ZCWPW2: variants seen among roughly 807,000 people sequenced by gnomAD.
The protein encoded by ZCWPW2 is zinc finger CW-type and PWWP domain containing 2.
Under a neutral mutation model 46.6 loss-of-function variants are expected in ZCWPW2, and 45 were observed. That is an observed-to-expected ratio of 0.96 (90% CI 0.76 to 1.24). The LOEUF is 1.24. Among genes scored for constraint, ZCWPW2 ranks in the 50% most tolerant of loss-of-function variants. ZCWPW2 has a pLI of 0.00. For missense variants in ZCWPW2, 429 were observed against 403.9 expected (o/e 1.06, Z -0.53); for synonymous variants, 152 against 137.1 (o/e 1.11, Z -0.76).
intron 1 of ZCWPW2, among the ~76,000 whole-genome samples, chr3:28,350,196 A>T (rs1220199324): frequency 6.6e-6 from 1 of 152,216 alleles, no homozygotes. Flanking sequence ...CATTAGGTGT[A>T]TGTTTTTACA....
chr3:28,466,806 A>C (rs1291866098), intron 4 of ZCWPW2, among the ~76,000 whole-genome samples: 1 of 152,128 alleles, frequency 6.6e-6, no homozygotes, highest in Non-Finnish European at 1.5e-5. Flanking sequence ...TCAAAATAAA[A>C]ATAAAAATAA....
chr3:28,485,043 A>C (rs997769451), intron 5 of ZCWPW2, among the ~76,000 whole-genome samples: 7 of 151,808 alleles, frequency 4.6e-5, no homozygotes, highest in African/African-American at 1.7e-4. Flanking sequence ...CAATGCTATA[A>C]ATTTTCCTCT....
In ZCWPW2 at chr3:28,515,406, CT is replaced by C. The variant is rs1700534703; in HGVS notation, c.717-145del. On this transcript the variant is annotated intron_variant, in intron 7 of 9. Coordinates refer to ENST00000383768, the MANE Select transcript of ZCWPW2 (RefSeq NM_001040432.4). ...CTTTTTTGTTTTTCACTGCAACATA[CT>C]TTGTTACTACATAAAACAACCAAGA... 7 of 650,660 alleles carry C rather than the reference CT, an allele frequency of 1.1e-5. No homozygotes were observed. The South Asian group carries it at 1.2e-4, about 11-fold the overall frequency. The allele number at this position is 650,660 out of a possible 1,614,324, so 40.3% of individuals were successfully genotyped here.
At chr3:28,382,162 C>CAAA (rs1237903671) in intron 1 of ZCWPW2, among the ~76,000 whole-genome samples, 18 of 81,340 alleles carry the variant, frequency 2.2e-4, no homozygotes, top group African/African-American at 6.9e-4. Flanking sequence ...AACTGCATCT[C>CAAA]AAAAAAAAAA....
chr3:28,434,914 G>A (rs924448125), intron 3 of ZCWPW2, among the ~76,000 whole-genome samples, 196 bp from the exon 4 acceptor site: 1 of 151,734 alleles, frequency 6.6e-6, no homozygotes, highest in African/African-American at 2.4e-5. Context: ...CCATTTCAAA[G>A]CTTTCTATAA....
chr3:28,357,234 A>C (rs1704771721), intron 1 of ZCWPW2, among the ~76,000 whole-genome samples: 2 of 152,206 alleles, frequency 1.3e-5, no homozygotes, highest in South Asian at 2.1e-4. Flanking sequence ...GATGACATTA[A>C]AGTTCATTAA....
chr3:28,396,370 G>C (rs1315553085), intron 2 of ZCWPW2, among the ~76,000 whole-genome samples: 1 of 152,038 alleles, frequency 6.6e-6, no homozygotes, highest in Admixed American at 6.6e-5. Context: ...TCTTTCTGGA[G>C]GTAGGCAGGA....
At chr3:28,450,405 T>C (rs1698179373) in intron 4 of ZCWPW2, among the ~76,000 whole-genome samples, 1 of 152,204 alleles carries the variant, frequency 6.6e-6, no homozygotes, top group South Asian at 2.1e-4. Context: ...TTATAATTTG[T>C]AGATATTGCT....
intron 5 of ZCWPW2, among the ~76,000 whole-genome samples, chr3:28,487,831 C>T (rs910521456): frequency 1.3e-5 from 2 of 151,996 alleles, no homozygotes; most frequent in Non-Finnish European, 2.9e-5. Context: ...CCTCCAACCC[C>T]CCTTTTTTTT....
chr3:28,470,752 T>C (rs1322443796), intron 4 of ZCWPW2, among the ~76,000 whole-genome samples: 1 of 151,438 alleles, frequency 6.6e-6, no homozygotes, highest in Admixed American at 6.6e-5. Flanking sequence ...TAGAAAAAAA[T>C]AAATATTGAA....
intron 4 of ZCWPW2, among the ~76,000 whole-genome samples, chr3:28,457,040 G>T (rs1698451767): frequency 6.6e-6 from 1 of 152,112 alleles, no homozygotes; most frequent in East Asian, 1.9e-4. Context: ...AGTGTCAGTA[G>T]GAATGGCATC....
At chr3:28,420,010 C>T (rs1196564051) in intron 3 of ZCWPW2, among the ~76,000 whole-genome samples, 1 of 148,664 alleles carries the variant, frequency 6.7e-6, no homozygotes, top group Non-Finnish European at 1.5e-5. Flanking sequence ...ACCATCATGG[C>T]ACGTGTATAC....
chr3:28,364,339 A>T (rs1705046836), intron 1 of ZCWPW2, among the ~76,000 whole-genome samples: 3 of 151,514 alleles, frequency 2.0e-5, no homozygotes, highest in Admixed American at 2.0e-4. Flanking sequence ...TTTACATCAC[A>T]TTTTCTTTAT....
intron 1 of ZCWPW2, among the ~76,000 whole-genome samples, chr3:28,389,587 C>G (rs978175136): frequency 6.6e-6 from 1 of 152,046 alleles, no homozygotes; most frequent in Non-Finnish European, 1.5e-5. Context: ...AATCAGAGAC[C>G]AATTACAGAA....
At chr3:28,433,765 A>C (rs1362211853) in intron 3 of ZCWPW2, among the ~76,000 whole-genome samples, 5 of 95,818 alleles carry the variant, frequency 5.2e-5, no homozygotes, top group Non-Finnish European at 1.0e-4. Flanking sequence ...TAAAAAAAAA[A>C]AAAACAAAAA....
In ZCWPW2 at chr3:28,522,245, C is replaced by G. The variant is rs562750886; in HGVS notation, c.909+1129C>G. Reference sequence around the variant, plus strand: ...AACCTGCATGTTGTGCACATGTACCCTAGAACTTAAAGTATAATTTAAAAA... The same window carrying G: ...AACCTGCATGTTGTGCACATGTACCGTAGAACTTAAAGTATAATTTAAAAA... On this transcript the variant is annotated intron_variant, in intron 9 of 9. Coordinates refer to ENST00000383768, the MANE Select transcript of ZCWPW2 (RefSeq NM_001040432.4). Among the ~76,000 whole-genome samples the G allele has an allele frequency of 1.1e-3, 169 of 152,196 alleles. 1 individual carries two copies. The highest frequency in any genetic ancestry group is 3.7e-3 in the African/African-American group (154 of 41,546).
chr3:28,428,795 C>T (rs1185378586), intron 3 of ZCWPW2, among the ~76,000 whole-genome samples: 1 of 152,114 alleles, frequency 6.6e-6, no homozygotes, highest in African/African-American at 2.4e-5. Context: ...ACTTTTCCCC[C>T]TTCACTTGGC....
chr3:28,492,749 C>A (rs778864227), intron 6 of ZCWPW2, among the ~76,000 whole-genome samples: 2 of 152,102 alleles, frequency 1.3e-5, no homozygotes, highest in Non-Finnish European at 2.9e-5. Flanking sequence ...TGAACCTTGA[C>A]ATTCTCCTCA....
At chr3:28,451,441 G>A (rs187991507) in intron 4 of ZCWPW2, among the ~76,000 whole-genome samples, 32 of 152,222 alleles carry the variant, frequency 2.1e-4, no homozygotes, top group South Asian at 2.1e-3. Context: ...CATAAGCAGT[G>A]ACCTAATTTA....
Sources: allele counts gnomAD v4.1 joint callset (sites outside exome capture counted in the v4.1 genomes callset), GRCh38; gene constraint gnomAD v4.1.1; transcripts MANE v1.5; gene names NCBI Gene and HGNC (gene_info 2026-07-23, HGNC 2026-07-21).